ANO10: variants seen among roughly 807,000 people sequenced by gnomAD.
ANO10 encodes the protein anoctamin-10.
A neutral mutation model predicts 74.7 loss-of-function variants in ANO10; 77 were observed. That is an observed-to-expected ratio of 1.03 (90% CI 0.86 to 1.25). The LOEUF (loss-of-function observed/expected upper bound fraction) is 1.25. Among genes scored for constraint, ANO10 ranks in the 50% most tolerant of loss-of-function variants. ANO10 has a pLI of 0.00. For missense variants in ANO10, 721 were observed against 778.1 expected (o/e 0.93, Z 0.87); for synonymous variants, 279 against 284.9 (o/e 0.98, Z 0.21).
intron 1 of ANO10, among the ~76,000 whole-genome samples, chr3:43,621,172 T>C (rs2083373845): frequency 6.6e-6 from 1 of 152,168 alleles, no homozygotes; most frequent in Non-Finnish European, 1.5e-5. Context: ...ACCGTCCTGC[T>C]GGAATATAAG....
At chr3:43,597,782 T>A (rs1015118329) in intron 4 of ANO10, among the ~76,000 whole-genome samples, 22 of 151,788 alleles carry the variant, frequency 1.4e-4, no homozygotes, top group African/African-American at 4.6e-4. Context: ...AAAAAATTTT[T>A]AAAAAGTAAA....
intron 7 of ANO10, among the ~76,000 whole-genome samples, chr3:43,567,487 G>C (rs556982653): frequency 6.6e-6 from 1 of 151,780 alleles, no homozygotes; most frequent in Non-Finnish European, 1.5e-5. Context: ...CAGATCTCTC[G>C]GCAGAAACTC....
chr3:43,592,167 G>A (rs1317150669), intron 4 of ANO10, among the ~76,000 whole-genome samples: 2 of 152,218 alleles, frequency 1.3e-5, no homozygotes, highest in East Asian at 3.9e-4. Flanking sequence ...CTCCACCTCT[G>A]GGGGCAGGGC....
At chr3:43,526,696 G>T (rs2078211831) in intron 11 of ANO10, among the ~76,000 whole-genome samples, 1 of 152,054 alleles carries the variant, frequency 6.6e-6, no homozygotes, top group South Asian at 2.1e-4. Context: ...ACTTCATTCA[G>T]CCTAACATTC....
chr3:43,642,612 A>G (rs1209319513), intron 1 of ANO10, among the ~76,000 whole-genome samples: 2 of 152,234 alleles, frequency 1.3e-5, no homozygotes, highest in Non-Finnish European at 2.9e-5. Flanking sequence ...AAGTTAAAAA[A>G]TACACGAAAA....
At chr3:43,670,973 A>C (rs2084052230) in intron 1 of ANO10, among the ~76,000 whole-genome samples, 1 of 152,190 alleles carries the variant, frequency 6.6e-6, no homozygotes, top group Admixed American at 6.5e-5. Flanking sequence ...AGAGCATATG[A>C]TATACTCAAG....
chr3:43,555,387 G>A lies in ANO10; in HGVS notation c.1559C>T (p.Ala520Val), dbSNP rs150026260. ...LFSCVYPLAAAFAVLNNFTEV... is the reference protein window; with the variant it reads ...LFSCVYPLAAVFAVLNNFTEV... ...AGTGAAGTTATTTAACACAGCAAAG[G>A]CAGCTGCTAATGGGTAAACACAGGA... Residue 520 changes from alanine (A) to valine (V), a missense_variant, in exon 10 of 13, where the codon GCC becomes GTC. By Grantham distance (64) the Ala-to-Val change is moderately conservative (BLOSUM62 0). Transcript: ENST00000292246. The A allele has an allele frequency of 3.0e-4, 486 of 1,614,104 alleles. 3 individuals are homozygous for A. In the East Asian group the frequency reaches 0.011, roughly 35 times the overall value.
At chr3:43,631,412 A>G (rs187844071) in intron 1 of ANO10, among the ~76,000 whole-genome samples, 225 of 152,246 alleles carry the variant, frequency 1.5e-3, no homozygotes, top group African/African-American at 5.2e-3. Context: ...AGTTGGCCTT[A>G]TTACTGCTGA....
rs569785067 is a variant in ANO10 at position 43,551,449 on chromosome 3, T to C, written c.1669-1601A>G. The C allele has an allele frequency of 1.8e-4, 84 of 456,070 alleles. No individual in the cohort carries two copies. The East Asian group carries it at 5.6e-3, about 30-fold the overall frequency. 28.3% of individuals were successfully genotyped at this position (456,070 alleles called of 1,614,324 possible). A position where few individuals can be genotyped will look rare whatever the true frequency, so the allele number is the denominator to read the frequency against. On this transcript the variant is annotated intron_variant, in intron 10 of 12. Coordinates refer to ENST00000292246, the MANE Select transcript of ANO10 (RefSeq NM_018075.5). ...CATGCATTTAAGGTATATACTTCAT[T>C]ACCTTTTGATAGGTGTATTTACCTG... is the stretch of plus-strand genomic sequence containing the variant.
chr3:43,409,287 CCT>C (rs2092626847), intron 12 of ANO10, among the ~76,000 whole-genome samples: 1 of 151,312 alleles, frequency 6.6e-6, no homozygotes, highest in Admixed American at 6.6e-5. Context: ...TGGGCTCATG[CCT>C]GTAATTCCAG....
chr3:43,390,049 T>C (rs2092236241), intron 12 of ANO10, among the ~76,000 whole-genome samples: 1 of 152,250 alleles, frequency 6.6e-6, no homozygotes, highest in Non-Finnish European at 1.5e-5. Flanking sequence ...AAAGGAACTC[T>C]GCCAACAGTT....
chr3:43,565,608 C>T (rs1244000275), intron 8 of ANO10, 45 bp downstream of exon 8: 1 of 1,437,352 alleles, frequency 7.0e-7, no homozygotes, highest in African/African-American at 1.4e-5. Flanking sequence ...AGAAAACCAC[C>T]TCTATGACCT....
chr3:43,515,406 G>A (rs2077669539), intron 11 of ANO10, among the ~76,000 whole-genome samples: 2 of 152,106 alleles, frequency 1.3e-5, no homozygotes, highest in Non-Finnish European at 2.9e-5. Context: ...TCACATCATG[G>A]GCTCTCCTGG....
chr3:43,467,175 T>G (rs1392314853), intron 11 of ANO10, among the ~76,000 whole-genome samples: 1 of 152,208 alleles, frequency 6.6e-6, no homozygotes, highest in Non-Finnish European at 1.5e-5. Flanking sequence ...AACCACTCTA[T>G]AAAACAGTTA....
chr3:43,475,017 T>A (rs971640119), intron 11 of ANO10, among the ~76,000 whole-genome samples: 4 of 152,212 alleles, frequency 2.6e-5, no homozygotes, highest in Non-Finnish European at 4.4e-5. Flanking sequence ...TACCCAAATC[T>A]TAATAGCCAG....
At chr3:43,429,372 C>T (rs550550862) in intron 12 of ANO10, among the ~76,000 whole-genome samples, 13 of 151,918 alleles carry the variant, frequency 8.6e-5, no homozygotes, top group Non-Finnish European at 1.6e-4. Context: ...AAAGCAAATT[C>T]ATGGAATTTT....
chr3:43,433,215 G>A lies in ANO10; in HGVS notation c.1798-488C>T, dbSNP rs147979945. On this transcript the variant is annotated intron_variant, in intron 11 of 12. Coordinates refer to ENST00000292246, the MANE Select transcript of ANO10 (RefSeq NM_018075.5). ...ACCCACCTTGGCCTCCCAAAGTGCC[G>A]GGATTACAGGTGTTGAGCGACCACA... Among the ~76,000 whole-genome samples the A allele has an allele frequency of 3.1e-3, 467 of 152,016 alleles. 2 individuals are homozygous for A. Among genetic ancestry groups the A allele is most frequent in the African/African-American group, 0.011 (448 of 41,484 alleles).
At chr3:43,574,782 G>T (rs781535444) in intron 7 of ANO10, 27 bp downstream of exon 7, 25 of 1,583,516 alleles carry the variant, frequency 1.6e-5, no homozygotes, top group African/African-American at 2.7e-5. Context: ...TTCATAAAAT[G>T]GATTTGTACA....
intron 1 of ANO10, among the ~76,000 whole-genome samples, chr3:43,667,898 C>G (rs11130009): frequency 0.06 from 9,202 of 152,138 alleles, 479 homozygotes; most frequent in South Asian, 0.12. Flanking sequence ...CATGGAGAAA[C>G]ATGTGTGTGT....
Sources: allele counts gnomAD v4.1 joint callset (sites outside exome capture counted in the v4.1 genomes callset), GRCh38; gene constraint gnomAD v4.1.1; transcripts MANE v1.5; gene names NCBI Gene and HGNC (gene_info 2026-07-23, HGNC 2026-07-21).